ASXL3: variants seen among roughly 807,000 people sequenced by gnomAD.
The protein encoded by ASXL3 is ASXL transcriptional regulator 3.
In ASXL3, 34 loss-of-function variants were observed where a neutral mutation model predicts 170.6. The ratio of observed to expected loss-of-function variants is 0.20; its 90% CI spans 0.15 to 0.27. ASXL3 has a LOEUF of 0.27. Among genes scored for constraint, ASXL3 ranks in the 10% least tolerant of loss-of-function variants. The pLI, the probability that ASXL3 is intolerant of heterozygous loss-of-function variation, is 1.00. For missense variants in ASXL3, 2,592 were observed against 2,695.3 expected (o/e 0.96, Z 0.85); for synonymous variants, 1,002 against 989.1 (o/e 1.01, Z -0.24).
chr18:33,621,968 A>G (rs2065521648), intron 2 of ASXL3, among the ~76,000 whole-genome samples: 1 of 152,204 alleles, frequency 6.6e-6, no homozygotes, highest in Admixed American at 6.6e-5. Context: ...TAAAATGGAT[A>G]GCAATTAAAT....
intron 2 of ASXL3, among the ~76,000 whole-genome samples, chr18:33,634,661 T>C (rs1325578451): frequency 6.6e-6 from 1 of 152,140 alleles, no homozygotes; most frequent in African/African-American, 2.4e-5. Context: ...CCTTTCCAAA[T>C]TGGTTATATC....
chr18:33,736,298 C>T (rs2067546303), intron 10 of ASXL3, among the ~76,000 whole-genome samples: 1 of 152,130 alleles, frequency 6.6e-6, no homozygotes, highest in Non-Finnish European at 1.5e-5. Flanking sequence ...ATGACCCCCT[C>T]ATTGCCGTCA....
chr18:33,655,779 C>A (rs1267052373), intron 4 of ASXL3, among the ~76,000 whole-genome samples: 1 of 152,024 alleles, frequency 6.6e-6, no homozygotes, highest in Non-Finnish European at 1.5e-5. Flanking sequence ...AAATACTATA[C>A]ATAAAACAAA....
At chr18:33,641,051 A>T (rs2065839474) in intron 2 of ASXL3, among the ~76,000 whole-genome samples, 1 of 152,082 alleles carries the variant, frequency 6.6e-6, no homozygotes, top group African/African-American at 2.4e-5. Flanking sequence ...AGTGGCTCTC[A>T]ATTATATTTT....
chr18:33,596,686 A>G (rs150438043), intron 1 of ASXL3, among the ~76,000 whole-genome samples: 6 of 152,298 alleles, frequency 3.9e-5, no homozygotes, highest in South Asian at 2.1e-4. Context: ...GAAAAATTTC[A>G]GTCTTCCTGT....
chr18:33,651,632 A>C (rs548274857), intron 4 of ASXL3, among the ~76,000 whole-genome samples: 1 of 152,256 alleles, frequency 6.6e-6, no homozygotes, highest in South Asian at 2.1e-4. Context: ...CTGCTACCAT[A>C]GTGTTATATT....
At chr18:33,641,478 A>G (rs2145193213) in intron 2 of ASXL3, among the ~76,000 whole-genome samples, 1 of 152,232 alleles carries the variant, frequency 6.6e-6, no homozygotes, top group East Asian at 1.9e-4. Flanking sequence ...GGGATGGGAG[A>G]AAGAAAAGAA....
intron 2 of ASXL3, among the ~76,000 whole-genome samples, chr18:33,631,909 T>C (rs913583565): frequency 3.3e-5 from 5 of 152,150 alleles, no homozygotes; most frequent in Non-Finnish European, 7.4e-5. Flanking sequence ...GTATGTAAAA[T>C]GATATAAATA....
chr18:33,708,965 T>C (rs144761493), intron 8 of ASXL3, among the ~76,000 whole-genome samples: 3 of 152,280 alleles, frequency 2.0e-5, no homozygotes, highest in African/African-American at 7.2e-5. Flanking sequence ...TTTCTATCAA[T>C]TGGGAAAACA....
At chr18:33,675,418 C>T (rs1269107441) in intron 7 of ASXL3, among the ~76,000 whole-genome samples, 1 of 152,146 alleles carries the variant, frequency 6.6e-6, no homozygotes, top group African/African-American at 2.4e-5. Context: ...TTTTTACTGT[C>T]CTTGCCTTCT....
intron 1 of ASXL3, among the ~76,000 whole-genome samples, chr18:33,604,947 G>C (rs887968552): frequency 1.5e-4 from 23 of 151,948 alleles, no homozygotes; most frequent in Admixed American, 2.0e-4. Flanking sequence ...ATATAAATTC[G>C]AGATGAATTA....
chr18:33,602,247 G>T lies in ASXL3; in HGVS notation c.55-5347G>T, dbSNP rs1027347465. On this transcript the variant is annotated intron_variant, in intron 1 of 11. Coordinates refer to ENST00000269197, the MANE Select transcript of ASXL3 (RefSeq NM_030632.3). Reference sequence around the variant, plus strand: ...CCCCCTGCCATTCTATGGAAAAATTGTCTTCCATGAAACCAGTCCCTGGTG... The same window carrying T: ...CCCCCTGCCATTCTATGGAAAAATTTTCTTCCATGAAACCAGTCCCTGGTG... Among the ~76,000 whole-genome samples the T allele has an allele frequency of 2.6e-5, 4 of 152,024 alleles. No homozygotes were observed. The East Asian group carries it at 7.7e-4, about 29-fold the overall frequency.
intron 1 of ASXL3, among the ~76,000 whole-genome samples, chr18:33,581,778 A>C (rs2064994563): frequency 6.6e-6 from 1 of 152,174 alleles, no homozygotes; most frequent in Admixed American, 6.5e-5. Flanking sequence ...ATCAAGCTGT[A>C]TCATTTTCCT....
rs117212700 is a variant in ASXL3, at chr18:33,730,231, C to T, written c.880-1737C>T. Among the ~76,000 whole-genome samples, 1,010 of 152,178 alleles carry T rather than the reference C, an allele frequency of 6.6e-3. 6 individuals carry two copies. Among genetic ancestry groups the T allele is most frequent in the Middle Eastern group, 0.02 (6 of 294 alleles). ...GCCAAACATCCGACATTACACAGGA[C>T]ATGCCCCCACTAAAAAGAATTATCT... On this transcript the variant is annotated intron_variant, in intron 8 of 11. Transcript: ENST00000269197.
chr18:33,676,769 AAT>A (rs2066437428), intron 7 of ASXL3, among the ~76,000 whole-genome samples: 1 of 152,182 alleles, frequency 6.6e-6, no homozygotes, highest in African/African-American at 2.4e-5. Context: ...TTGTTTTAAT[AAT>A]ACCCTCTCTC....
intron 5 of ASXL3, among the ~76,000 whole-genome samples, chr18:33,665,259 A>G (rs868629712): frequency 6.6e-6 from 1 of 152,172 alleles, no homozygotes; most frequent in African/African-American, 2.4e-5. Flanking sequence ...TTAGGGTGGT[A>G]GAGTTTATTC....
In ASXL3 at chr18:33,742,972, T is replaced by C. The variant is rs201364738; in HGVS notation, c.3124T>C (p.Ser1042Pro). ...TGAGTCTCGAGCATCCACTAGCACA[T>C]CTGTCAGTGGCGGGAGGAACACAGG... ...KPESRASTSTSVSGGRNTGAR... is the reference protein window; with the variant it reads ...KPESRASTSTPVSGGRNTGAR... The change falls in exon 12 of 12, where the codon TCT becomes CCT. Residue 1042 changes from serine (S) to proline (P), a missense_variant. By Grantham distance (74) the Ser-to-Pro change is moderately conservative. Coordinates refer to ENST00000269197, the MANE Select transcript of ASXL3 (RefSeq NM_030632.3). 1.0e-4 allele frequency: 162 copies of C among 1,613,810 alleles called. No homozygotes were observed. The African/African-American group carries it at 1.9e-3, about 19-fold the overall frequency.
chr18:33,739,076 C>T lies in ASXL3; in HGVS notation c.1672C>T (p.His558Tyr). ...TATGACTCATGTCAGTGACACAGAA[C>T]ATAAGGAGTCAGAAACTGCAGTAGA... ...SSMTHVSDTE[H>Y]KESETAVETS... Residue 558 changes from histidine (H) to tyrosine (Y), a missense_variant, in exon 11 of 12, where the codon CAT becomes TAT. His to Tyr is a moderately conservative substitution (Grantham distance 83). Transcript: ENST00000269197. The T allele has an allele frequency of 6.2e-7, 1 of 1,613,166 alleles. No homozygotes were observed. The highest frequency in any genetic ancestry group is 8.5e-7 in the Non-Finnish European group (1 of 1,179,610).
intron 1 of ASXL3, among the ~76,000 whole-genome samples, chr18:33,594,710 A>G (rs749013548): frequency 6.6e-6 from 1 of 152,148 alleles, no homozygotes; most frequent in Non-Finnish European, 1.5e-5. Context: ...GCATGTAGAA[A>G]TATTTGCCCT....
Sources: gnomAD v4.1 joint callset for allele counts (sites outside exome capture counted in the v4.1 genomes callset) on GRCh38, gnomAD v4.1.1 for gene constraint, MANE v1.5 for transcripts, NCBI Gene and HGNC (gene_info 2026-07-23, HGNC 2026-07-21) for gene names.